The following EPRS1 variants were observed in gnomAD, a reference collection of about 807,000 sequenced individuals.
EPRS1 encodes glutamyl-prolyl-tRNA synthetase 1.
A neutral mutation model predicts 188.3 loss-of-function variants in EPRS1; 107 were observed. That is an observed-to-expected ratio of 0.57 (90% CI 0.49 to 0.67). The LOEUF (loss-of-function observed/expected upper bound fraction) is 0.67. Ranked by LOEUF, EPRS1 falls within the 30% of genes least tolerant of loss-of-function variation. EPRS1 has a pLI of 0.00. For synonymous variants in EPRS1, 596 were observed against 593.1 expected (o/e 1.00, Z -0.07); for missense variants, 1,577 against 1,802.2 (o/e 0.88, Z 2.26).
At position 220,020,889 on chromosome 1, in the gene EPRS1, TTTC is replaced by T. The variant is rs1464147898; in HGVS notation, c.1116-671_1116-669del. ...ATATATATTAGTGCATTATGCTTTC[TTTC>T]TTTTTTTTTGGAGACAGTCTCGCTC... On this transcript the variant is annotated intron_variant, in intron 9 of 31. Coordinates refer to ENST00000366923, the MANE Select transcript of EPRS1 (RefSeq NM_004446.3). Among the ~76,000 whole-genome samples, 6 of 138,856 alleles carry T rather than the reference TTTC, an allele frequency of 4.3e-5. No homozygotes were observed. The East Asian group carries it at 1.0e-3, about 23-fold the overall frequency. The allele number at this position is 138,856 out of a possible 152,430, so 91.1% of individuals were successfully genotyped here. A position where few individuals can be genotyped will look rare whatever the true frequency, so the allele number is the denominator to read the frequency against.
chr1:219,985,049 G>GA lies in EPRS1; in HGVS notation c.3039-793dup, dbSNP rs1305874124. 7.9e-3 allele frequency among the ~76,000 whole-genome samples: 750 copies of GA among 95,186 alleles called. 8 individuals are homozygous for GA. The highest frequency in any genetic ancestry group is 0.021 in the African/African-American group (614 of 28,898). The allele number at this position is 95,186 out of a possible 152,430, so 62.4% of individuals were successfully genotyped here. On this transcript the variant is annotated intron_variant, in intron 20 of 31. Transcript: ENST00000366923. ...ACAAAAGTGAAACTCCGTCTCAAAA[G>GA]AAAAAAAAAAAAAAAAGAAAGAAAC...
chr1:219,979,638 A>T, intron 26 of EPRS1, 23 bp from the exon 27 acceptor site: 1 of 1,548,130 alleles, frequency 6.5e-7, no homozygotes, highest in Non-Finnish European at 8.9e-7. Context: ...GAGAAAAATA[A>T]GCTTCATTTT....
intron 7 of EPRS1, 43 bp from the exon 8 acceptor site, chr1:220,024,499 T>A: frequency 6.9e-7 from 1 of 1,443,622 alleles, no homozygotes; most frequent in South Asian, 1.3e-5. Flanking sequence ...ATCTTTTGCA[T>A]TTTTTCGTGC....
intron 3 of EPRS1, 35 bp downstream of exon 3, chr1:220,034,879 G>A: frequency 8.4e-7 from 1 of 1,193,444 alleles, no homozygotes; most frequent in Non-Finnish European, 1.3e-6. Context: ...AGAAGCATAA[G>A]ACAAAACACA....
At chr1:220,012,347 A>C (rs2102584377) in intron 12 of EPRS1, among the ~76,000 whole-genome samples, 1 of 152,322 alleles carries the variant, frequency 6.6e-6, no homozygotes, top group South Asian at 2.1e-4. Flanking sequence ...AGTCAGTAAG[A>C]CATAATTTCT....
At position 220,022,389 on chromosome 1, in the gene EPRS1, C is replaced by T. The variant is rs1194185772; in HGVS notation, c.1073G>A (p.Arg358His). The T allele has an allele frequency of 1.2e-6, 2 of 1,613,774 alleles. No homozygotes were observed. The highest frequency in any genetic ancestry group is 1.7e-6 in the Non-Finnish European group (2 of 1,179,860). The change falls in exon 9 of 32, where the codon CGC (arginine) becomes CAC (histidine). Residue 358 changes from arginine (R) to histidine (H), a missense_variant. Coordinates refer to ENST00000366923, the MANE Select transcript of EPRS1 (RefSeq NM_004446.3). ...TCTTGGATGTGGTTGAATTTTGCAG[C>T]GATAAAGGGTTGGATCTCTCATGCA... ...NGCMRDPTLYRCKIQPHPRTG... is the reference protein window; with the variant it reads ...NGCMRDPTLYHCKIQPHPRTG...
At chr1:220,017,685 G>A (rs985710149) in intron 12 of EPRS1, among the ~76,000 whole-genome samples, 5 of 151,988 alleles carry the variant, frequency 3.3e-5, no homozygotes, top group Non-Finnish European at 7.4e-5. Context: ...TTTAAAACAT[G>A]GCATTTGAAT....
At chr1:220,011,225 GAAC>G (rs1425149214) in intron 12 of EPRS1, among the ~76,000 whole-genome samples, 169 bp from the exon 13 acceptor site, 1 of 152,070 alleles carries the variant, frequency 6.6e-6, no homozygotes, top group Admixed American at 6.6e-5. Flanking sequence ...AGAAAAAAGA[GAAC>G]AACTGTAAAC....
chr1:220,046,294 C>T, intron 1 of EPRS1, 49 bp downstream of exon 1: 1 of 1,611,872 alleles, frequency 6.2e-7, no homozygotes, highest in Non-Finnish European at 8.5e-7. Context: ...CGCCCTGCAC[C>T]CTCCCTGGCT....
chr1:220,021,337 T>G (rs1661874611), intron 9 of EPRS1, among the ~76,000 whole-genome samples: 1 of 152,052 alleles, frequency 6.6e-6, no homozygotes, highest in Non-Finnish European at 1.5e-5. Context: ...TACTGAAGCG[T>G]GCCACCATAC....
chr1:219,973,110 G>A, intron 29 of EPRS1, 128 bp downstream of exon 29: 2 of 713,738 alleles, frequency 2.8e-6, no homozygotes, highest in Non-Finnish European at 4.7e-6. Context: ...GGCAAATTAA[G>A]TAGCATGGGG....
At chr1:220,043,387 G>A (rs1334359572) in intron 1 of EPRS1, among the ~76,000 whole-genome samples, 1 of 151,994 alleles carries the variant, frequency 6.6e-6, no homozygotes, top group East Asian at 1.9e-4. Flanking sequence ...TTTTTTAAAT[G>A]GGAAAAAGAG....
chr1:219,969,630 G>A (rs1455817049), intron 30 of EPRS1, among the ~76,000 whole-genome samples: 1 of 146,256 alleles, frequency 6.8e-6, no homozygotes, highest in African/African-American at 2.5e-5. Context: ...CATTTTTAAA[G>A]TCCTAAAATC....
intron 12 of EPRS1, among the ~76,000 whole-genome samples, chr1:220,017,787 G>GA (rs1661748786): frequency 6.7e-6 from 1 of 148,876 alleles, no homozygotes; most frequent in South Asian, 2.1e-4. Flanking sequence ...TTTCAGTTAA[G>GA]AAACAGTTAA....
chr1:219,989,027 A>G (rs2102569247), intron 18 of EPRS1, among the ~76,000 whole-genome samples: 1 of 152,310 alleles, frequency 6.6e-6, no homozygotes, highest in East Asian at 1.9e-4. Flanking sequence ...CAAAAATACA[A>G]TTCAACATAC....
chr1:220,041,553 T>G (rs1662294793), intron 1 of EPRS1, among the ~76,000 whole-genome samples: 1 of 152,034 alleles, frequency 6.6e-6, no homozygotes, highest in Non-Finnish European at 1.5e-5. Flanking sequence ...TTGATTAAGA[T>G]AGACAGGCCA....
At chr1:219,995,582 A>C (rs920011190) in intron 18 of EPRS1, among the ~76,000 whole-genome samples, 2 of 152,218 alleles carry the variant, frequency 1.3e-5, no homozygotes, top group Admixed American at 1.3e-4. Context: ...GCTGTTTTAG[A>C]TAATCATGGT....
chr1:219,975,233 A>C (rs573078855), intron 28 of EPRS1, among the ~76,000 whole-genome samples: 2 of 152,300 alleles, frequency 1.3e-5, no homozygotes, highest in East Asian at 3.9e-4. Flanking sequence ...CTTTGCATAG[A>C]GTGACAGAGC....
Position 220,019,013 on chromosome 1 carries a change from T to C in EPRS1, c.1416A>G (p.Lys472=), listed in dbSNP as rs1262603454. 2 of 1,612,650 alleles carry C rather than the reference T, an allele frequency of 1.2e-6. No individual in the cohort carries two copies. The change falls in exon 11 of 32, where the codon AAA becomes AAG. Residue 472 remains lysine (K), a synonymous_variant. Transcript: ENST00000366923. ...AACGCACCTGAGCAGCAATAAACTGTTTCAGTCCTTCAACTGTCATCCCTC... is the reference window on the plus strand; with the variant it reads ...AACGCACCTGAGCAGCAATAAACTGCTTCAGTCCTTCAACTGTCATCCCTC... ...LRRGMTVEGL[K]QFIAAQGSSR... is the part of the protein sequence containing the mutation.
Sources: gnomAD v4.1 joint callset for allele counts (sites outside exome capture counted in the v4.1 genomes callset) on GRCh38, gnomAD v4.1.1 for gene constraint, MANE v1.5 for transcripts, NCBI Gene and HGNC (gene_info 2026-07-23, HGNC 2026-07-21) for gene names.